Variants in CFAP97D2 observed in about 807,000 individuals in gnomAD.
CFAP97D2 encodes the protein uncharacterized protein CFAP97D2.
At chr13:114,208,401 A>G (rs1198651952) in intron 3 of CFAP97D2, among the ~76,000 whole-genome samples, 1 of 152,226 alleles carries the variant, frequency 6.6e-6, no homozygotes, top group Non-Finnish European at 1.5e-5. Flanking sequence ...AATCCACACA[A>G]TTTGACAGGC....
chr13:114,193,634 G>A (rs1332438958), intron 1 of CFAP97D2, among the ~76,000 whole-genome samples: 1 of 152,140 alleles, frequency 6.6e-6, no homozygotes, highest in African/African-American at 2.4e-5. Context: ...CTGTTGCAGT[G>A]GATATTAAGT....
At chr13:114,198,410 A>T (rs2080896805) in intron 2 of CFAP97D2, among the ~76,000 whole-genome samples, 1 of 152,254 alleles carries the variant, frequency 6.6e-6, no homozygotes, top group South Asian at 2.1e-4. Flanking sequence ...CAAGAGGCAG[A>T]TTCTTTTCCT....
rs2080851870 is a variant in CFAP97D2, at chr13:114,185,745, C to T, written c.90+6325C>T. Among the ~76,000 whole-genome samples the T allele has an allele frequency of 6.6e-6, 1 of 152,250 alleles. No homozygotes were observed. Among genetic ancestry groups the T allele is most frequent in the African/African-American group, 2.4e-5 (1 of 41,474 alleles). On this transcript the variant is annotated intron_variant, in intron 1 of 4. Transcript: ENST00000646158. The surrounding 1 kb of genome is among the most constrained non-coding windows in gnomAD (Gnocchi z 5.2). ...CTTAGGGCAGAAGTGACATGCCAGC[C>T]CCTTGCCACCTCAGCCCCCTCCAGA... is the stretch of plus-strand genomic sequence containing the variant.
chr13:114,192,322 G>C (rs1053293300), intron 1 of CFAP97D2, among the ~76,000 whole-genome samples: 2 of 152,194 alleles, frequency 1.3e-5, no homozygotes, highest in African/African-American at 4.8e-5. Context: ...TTATGCATGT[G>C]TGGATGCAGA....
intron 1 of CFAP97D2, among the ~76,000 whole-genome samples, chr13:114,188,764 G>A (rs1307563252): frequency 6.4e-5 from 9 of 140,656 alleles, no homozygotes; most frequent in East Asian, 2.0e-4. Context: ...GCAACAGAGC[G>A]AGACTCAATC....
intron 1 of CFAP97D2, among the ~76,000 whole-genome samples, chr13:114,182,903 A>G (rs1056179964): frequency 1.3e-5 from 2 of 152,230 alleles, no homozygotes; most frequent in Admixed American, 1.3e-4. Context: ...CTACATAGAC[A>G]CAGTGACAGT....
rs143779697 is a variant in CFAP97D2, at chr13:114,187,379, T to C, written c.90+7959T>C. Among the ~76,000 whole-genome samples the C allele has an allele frequency of 1.8e-4, 27 of 151,542 alleles. No individual in the cohort carries two copies. In the South Asian group the frequency reaches 4.2e-3, roughly 23 times the overall value. Reference sequence around the variant, plus strand: ...AAAAAAAAGGCCCAACTATATGTTGTCCACAAGAAACCATTTTAAGTATAA... The same window carrying C: ...AAAAAAAAGGCCCAACTATATGTTGCCCACAAGAAACCATTTTAAGTATAA... On this transcript the variant is annotated intron_variant, in intron 1 of 4. Transcript: ENST00000646158. The surrounding 1 kb of genome is among the most constrained non-coding windows in gnomAD (Gnocchi z 4.2).
chr13:114,201,490 G>A (rs1382323835), intron 3 of CFAP97D2, among the ~76,000 whole-genome samples: 1 of 152,188 alleles, frequency 6.6e-6, no homozygotes, highest in African/African-American at 2.4e-5. Context: ...GGCCCTGCAT[G>A]GTCCTGTGTG....
intron 1 of CFAP97D2, among the ~76,000 whole-genome samples, chr13:114,195,639 TC>T (rs2080883506): frequency 6.6e-6 from 1 of 152,234 alleles, no homozygotes. Flanking sequence ...TATAAATGTT[TC>T]CCTTATTTGT....
At chr13:114,220,100 G>T (rs1315164134) in intron 4 of CFAP97D2, among the ~76,000 whole-genome samples, 1 of 152,106 alleles carries the variant, frequency 6.6e-6, no homozygotes, top group Admixed American at 6.5e-5. Flanking sequence ...TGTAGGTTTA[G>T]GAAAGAAAAA....
intron 2 of CFAP97D2, 129 bp from the exon 3 acceptor site, chr13:114,200,195 GT>G: frequency 2.5e-6 from 1 of 394,320 alleles, no homozygotes; most frequent in Admixed American, 4.4e-5. Flanking sequence ...CCGCTGAGGC[GT>G]GATGGCGCAC....
At chr13:114,194,950 C>A (rs960326556) in intron 1 of CFAP97D2, among the ~76,000 whole-genome samples, 1 of 152,204 alleles carries the variant, frequency 6.6e-6, no homozygotes, top group African/African-American at 2.4e-5. Context: ...AATTTCCTGT[C>A]CATGCCCCAA....
At chr13:114,217,662 A>AAAAGCT (rs2081001632) in intron 4 of CFAP97D2, among the ~76,000 whole-genome samples, 2 of 152,230 alleles carry the variant, frequency 1.3e-5, no homozygotes, top group African/African-American at 4.8e-5. Context: ...CAGCACATCA[A>AAAAGCT]AAAGCTTATC....
At chr13:114,222,602 G>A (rs80326917), downstream of CFAP97D2, 5,293 of 398,394 alleles carry the variant, frequency 0.013, 380 homozygotes, top group East Asian at 0.16. The surrounding 1 kb of genome is among the most constrained non-coding windows in gnomAD (Gnocchi z 4.4). Context: ...GAAGACAAGT[G>A]TGATGAGGGA....
chr13:114,189,024 G>A lies in CFAP97D2; in HGVS notation c.91-7372G>A, dbSNP rs2080860374. Among the ~76,000 whole-genome samples, 1 of 148,596 alleles carries A rather than the reference G, an allele frequency of 6.7e-6. No homozygotes were observed. On this transcript the variant is annotated intron_variant, in intron 1 of 4. Transcript: ENST00000646158. This position sits in a 1 kb window ranked among gnomAD's most constrained non-coding sequence, Gnocchi z 4.5. ...AATTACTAATATTTTGCTATTATTA[G>A]TAATATTATTACTTATATTACTAGT...
chr13:114,192,236 T>A (rs1455279921), intron 1 of CFAP97D2, among the ~76,000 whole-genome samples: 1 of 152,142 alleles, frequency 6.6e-6, no homozygotes, highest in African/African-American at 2.4e-5. Flanking sequence ...TTTTAGGTAA[T>A]TATGATGTGT....
At chr13:114,192,335 G>T (rs892915412) in intron 1 of CFAP97D2, among the ~76,000 whole-genome samples, 1 of 152,152 alleles carries the variant, frequency 6.6e-6, no homozygotes, top group East Asian at 1.9e-4. Context: ...GATGCAGAGG[G>T]TATATGGGAA....
intron 4 of CFAP97D2, among the ~76,000 whole-genome samples, chr13:114,220,223 C>A (rs985428170): frequency 6.6e-6 from 1 of 152,096 alleles, no homozygotes; most frequent in Admixed American, 6.5e-5. Context: ...CGGCCAGCTG[C>A]CAGACCTTTG....
chr13:114,202,623 C>A (rs76756181), intron 3 of CFAP97D2, among the ~76,000 whole-genome samples: 2,554 of 152,324 alleles, frequency 0.017, 43 homozygotes, highest in African/African-American at 0.036. Flanking sequence ...AGCTCCTAGT[C>A]GAAGGGCCTT....
Sources: allele counts gnomAD v4.1 joint callset (sites outside exome capture counted in the v4.1 genomes callset), GRCh38; gene constraint gnomAD v4.1.1; non-coding constraint Gnocchi (gnomAD v3.1); transcripts MANE v1.5; gene names NCBI Gene and HGNC (gene_info 2026-07-23, HGNC 2026-07-21).